CFAP46: variants seen among roughly 807,000 people sequenced by gnomAD.
CFAP46 encodes cilia- and flagella-associated protein 46.
CFAP46 carries 245 observed loss-of-function variants against 325.7 expected under a neutral mutation model. That is an observed-to-expected ratio of 0.75 (90% CI 0.68 to 0.84). The LOEUF is 0.84. Ranked by LOEUF, CFAP46 falls within the 40% of genes least tolerant of loss-of-function variation. The probability of loss-of-function intolerance (pLI) is 0.00; values close to 1 mark genes in which losing one functional copy is unlikely to be tolerated. For synonymous variants in CFAP46, 1,523 were observed against 1,495.9 expected, an observed-to-expected ratio of 1.02 and a Z score of -0.42; for missense variants, 3,346 against 3,543.0, an observed-to-expected ratio of 0.94 and a Z score of 1.41.
chr10:132,908,900 G>T (rs564353301), intron 21 of CFAP46, among the ~76,000 whole-genome samples: 1 of 152,236 alleles, frequency 6.6e-6, no homozygotes, highest in Non-Finnish European at 1.5e-5. Context: ...AGGGTTGGGT[G>T]GGAATGGAGG....
At chr10:132,882,130 G>A (rs1231823567) in intron 27 of CFAP46, among the ~76,000 whole-genome samples, 1 of 150,244 alleles carries the variant, frequency 6.7e-6, no homozygotes, top group African/African-American at 2.5e-5. Context: ...GGGATGTGGG[G>A]TGTGAGTGGT....
intron 11 of CFAP46, 68 bp from the exon 12 acceptor site, chr10:132,922,776 T>G: frequency 7.7e-7 from 1 of 1,304,338 alleles, no homozygotes; most frequent in Non-Finnish European, 1.1e-6. Context: ...GGTCACACCC[T>G]CCAGAGGAAG....
chr10:132,910,185 C>T (rs1849520478), intron 19 of CFAP46, 117 bp from the exon 20 acceptor site: 1 of 1,034,058 alleles, frequency 9.7e-7, no homozygotes, highest in African/African-American at 1.7e-5. Context: ...CGTGAAGGGC[C>T]TTAAACACGA....
In CFAP46 at chr10:132,901,738, C is replaced by T. The variant is rs112716638; in HGVS notation, c.2925-2072G>A. Among the ~76,000 whole-genome samples, 857 of 152,326 alleles carry T rather than the reference C, an allele frequency of 5.6e-3. 12 individuals carry two copies. The highest frequency in any genetic ancestry group is 0.019 in the African/African-American group (790 of 41,576). On this transcript the variant is annotated intron_variant, in intron 22 of 57. Transcript: ENST00000368586. ...CAAATTTACCATTTTTGGTGTTTTT[C>T]ATCTCCTCTAGCATGTCCTCTTCTG... is the stretch of plus-strand genomic sequence containing the variant.
In CFAP46 at chr10:132,872,566, C is replaced by T. The variant is rs1364433143; in HGVS notation, c.4511+110G>A. The T allele has an allele frequency of 6.3e-6, 8 of 1,272,064 alleles. No homozygotes were observed. The East Asian group carries it at 1.8e-4, about 28-fold the overall frequency. 78.8% of individuals were successfully genotyped at this position (1,272,064 alleles called of 1,614,324 possible). ...TTTTTATTTACTTGGTGTTCAAGTC[C>T]CAGGGACTTTATTATTTACACAGTC... On this transcript the variant is annotated intron_variant, in intron 32 of 57. Coordinates refer to ENST00000368586, the MANE Select transcript of CFAP46 (RefSeq NM_001200049.3).
chr10:132,897,743 C>G (rs1467600749), intron 24 of CFAP46, among the ~76,000 whole-genome samples: 1 of 152,220 alleles, frequency 6.6e-6, no homozygotes, highest in African/African-American at 2.4e-5. Context: ...GCACAGAGCT[C>G]AGACCCAGGC....
intron 56 of CFAP46, chr10:132,810,745 G>A (rs1385554467): frequency 2.8e-6 from 2 of 726,374 alleles, no homozygotes; most frequent in South Asian, 3.0e-5. Context: ...GCTCCCGTGG[G>A]CTGGTGCCAG....
In CFAP46 at chr10:132,847,160, C is replaced by A. The variant is rs1271101183; in HGVS notation, c.6087+27G>T. 1 of 1,608,958 alleles carries A rather than the reference C, an allele frequency of 6.2e-7. No homozygotes were observed. The highest frequency in any genetic ancestry group is 8.5e-7 in the Non-Finnish European group (1 of 1,178,352). On this transcript the variant is annotated intron_variant, in intron 42 of 57. Coordinates refer to ENST00000368586, the MANE Select transcript of CFAP46 (RefSeq NM_001200049.3). This position sits in a 1 kb window ranked among gnomAD's most constrained non-coding sequence, Gnocchi z 5.2. ...CAGGCCAGGCTCCGGGCAGAGGCCA[C>A]ACGAGGGGCAGGAGGGGCAGCCGCA...
intron 39 of CFAP46, 63 bp from the exon 40 acceptor site, chr10:132,851,368 C>T (rs922053355): frequency 1.8e-5 from 27 of 1,526,272 alleles, no homozygotes; most frequent in Non-Finnish European, 2.2e-5. Context: ...TCTACATCCC[C>T]ACAACTTGGA....
intron 38 of CFAP46, 75 bp from the exon 39 acceptor site, chr10:132,857,863 C>T: frequency 2.4e-6 from 3 of 1,236,526 alleles, no homozygotes; most frequent in Non-Finnish European, 2.2e-6. Context: ...CATTTTCTAT[C>T]ATACTGTATA....
intron 57 of CFAP46, among the ~76,000 whole-genome samples, chr10:132,810,188 C>T (rs763998850): frequency 2.6e-5 from 4 of 152,168 alleles, no homozygotes; most frequent in African/African-American, 4.8e-5. Flanking sequence ...TGCCGAGGGT[C>T]GCGCCACGGT....
chr10:132,879,352 C>A, intron 29 of CFAP46, 74 bp downstream of exon 29: 1 of 1,355,660 alleles, frequency 7.4e-7, no homozygotes, highest in Non-Finnish European at 9.8e-7. Context: ...TTACAACGCT[C>A]ACTGCGGTTT....
intron 17 of CFAP46, among the ~76,000 whole-genome samples, chr10:132,915,362 TCA>T (rs929917825): frequency 1.6e-4 from 25 of 152,174 alleles, no homozygotes; most frequent in Non-Finnish European, 3.1e-4. Context: ...CGGTGGCTCC[TCA>T]CAGAGCCCGG....
At chr10:132,934,694 T>A (rs1487803566) in intron 8 of CFAP46, 58 bp downstream of exon 8, 1 of 1,178,406 alleles carries the variant, frequency 8.5e-7, no homozygotes, top group African/African-American at 1.5e-5. Context: ...TTTCAGTGCC[T>A]GCTAAATTTT....
At position 132,827,671 on chromosome 10, in the gene CFAP46, A is replaced by T. The variant is rs1355946632; in HGVS notation, c.7117+5687T>A. ...CGGGACTGGACGCTGCACGCCAGCA[A>T]GTCATCGCCACAGCGAAGGTCACGG... On this transcript the variant is annotated intron_variant, in intron 50 of 57. Coordinates refer to ENST00000368586, the MANE Select transcript of CFAP46 (RefSeq NM_001200049.3). This position sits in a 1 kb window ranked among gnomAD's most constrained non-coding sequence, Gnocchi z 5.7. Among the ~76,000 whole-genome samples the T allele has an allele frequency of 6.6e-6, 1 of 152,060 alleles. No individual in the cohort carries two copies. The highest frequency in any genetic ancestry group is 1.5e-5 in the Non-Finnish European group (1 of 68,024).
At chr10:132,823,742 TGC>T (rs1176756658) in intron 50 of CFAP46, among the ~76,000 whole-genome samples, 12 of 137,634 alleles carry the variant, frequency 8.7e-5, no homozygotes, top group Admixed American at 8.1e-4. Flanking sequence ...GTGTGCTGTG[TGC>T]GCTGATGTGT....
intron 20 of CFAP46, among the ~76,000 whole-genome samples, chr10:132,909,501 G>A (rs755757777): frequency 6.6e-5 from 10 of 152,220 alleles, no homozygotes; most frequent in Non-Finnish European, 1.3e-4. Context: ...GAGGAGGGAA[G>A]GACCAGTGGG....
At chr10:132,875,428 G>A (rs1013809445) in intron 31 of CFAP46, among the ~76,000 whole-genome samples, 2 of 152,202 alleles carry the variant, frequency 1.3e-5, no homozygotes, top group Non-Finnish European at 2.9e-5. Context: ...AGAATAAAAG[G>A]AATAGCCCAA....
At chr10:132,910,148 T>C (rs1440517798) in intron 19 of CFAP46, 80 bp from the exon 20 acceptor site, 2 of 1,267,980 alleles carry the variant, frequency 1.6e-6, no homozygotes, top group South Asian at 2.3e-5. Context: ...CATTAAAAGA[T>C]GGATGGAGCC....
Sources: gnomAD v4.1 joint callset for allele counts (sites outside exome capture counted in the v4.1 genomes callset) on GRCh38, gnomAD v4.1.1 for gene constraint, Gnocchi (gnomAD v3.1) non-coding constraint, MANE v1.5 for transcripts, NCBI Gene and HGNC (gene_info 2026-07-23, HGNC 2026-07-21) for gene names.